Variants in UBE4B observed in about 807,000 individuals in gnomAD.
UBE4B encodes ubiquitin conjugation factor E4 B.
A neutral mutation model predicts 148.1 loss-of-function variants in UBE4B; 27 were observed. That is an observed-to-expected ratio of 0.18 (90% CI 0.13 to 0.25). The LOEUF (loss-of-function observed/expected upper bound fraction) is 0.25. UBE4B is among the 10% of genes least tolerant of loss of function. The pLI, the probability that UBE4B is intolerant of heterozygous loss-of-function variation, is 1.00. For missense variants in UBE4B, 1,170 were observed against 1,662.4 expected, an observed-to-expected ratio of 0.70 and a Z score of 5.15; for synonymous variants, 596 against 619.3, an observed-to-expected ratio of 0.96 and a Z score of 0.56.
At chr1:10,144,801 G>T in intron 17 of UBE4B, 139 bp from the exon 18 acceptor site, 3 of 518,260 alleles carry the variant, frequency 5.8e-6, no homozygotes, top group Non-Finnish European at 1.0e-5. Context: ...GCCGCTGGTT[G>T]TAAGATATAC....
chr1:10,112,373 T>C, intron 7 of UBE4B, among the ~76,000 whole-genome samples: 1 of 152,348 alleles, frequency 6.6e-6, no homozygotes, highest in Middle Eastern at 3.4e-3. Flanking sequence ...AATACTACTT[T>C]AAATATTTAG....
chr1:10,119,942 G>A (rs974909730), intron 9 of UBE4B, among the ~76,000 whole-genome samples: 28 of 152,156 alleles, frequency 1.8e-4, no homozygotes, highest in South Asian at 4.1e-4. Flanking sequence ...GAAGTTGGTG[G>A]AGGTATTTGA....
chr1:10,130,368 A>C, intron 12 of UBE4B, 132 bp from the exon 13 acceptor site: 1 of 823,134 alleles, frequency 1.2e-6, no homozygotes. Context: ...GGCGTGAGCC[A>C]CCATGCCTGG....
At chr1:10,169,953 C>T (rs1238754373) in intron 24 of UBE4B, among the ~76,000 whole-genome samples, 2 of 152,062 alleles carry the variant, frequency 1.3e-5, no homozygotes, top group East Asian at 3.9e-4. Context: ...AGGCAGAGGT[C>T]GCAGTGAGCC....
At chr1:10,118,201 T>G (rs1179792788) in intron 8 of UBE4B, among the ~76,000 whole-genome samples, 2 of 152,208 alleles carry the variant, frequency 1.3e-5, no homozygotes, top group African/African-American at 4.8e-5. Flanking sequence ...CCTATTTCAT[T>G]TTCTGATTTT....
intron 1 of UBE4B, among the ~76,000 whole-genome samples, chr1:10,066,102 T>C (rs1194092580): frequency 1.4e-5 from 2 of 141,588 alleles, no homozygotes; most frequent in Non-Finnish European, 3.1e-5. Flanking sequence ...CCTCCCTTTG[T>C]ACCTCCCTCC....
At chr1:10,171,871 ACT>A (rs1227175659) in intron 25 of UBE4B, among the ~76,000 whole-genome samples, 11 of 152,246 alleles carry the variant, frequency 7.2e-5, no homozygotes, top group African/African-American at 1.9e-4. Flanking sequence ...ACAGGGTGAG[ACT>A]CTGTCTCAAA....
intron 7 of UBE4B, among the ~76,000 whole-genome samples, chr1:10,110,782 T>G (rs1025520888): frequency 6.6e-6 from 1 of 152,018 alleles, no homozygotes; most frequent in African/African-American, 2.4e-5. Context: ...TGACATTGAC[T>G]CTCCTGTTTT....
intron 8 of UBE4B, among the ~76,000 whole-genome samples, chr1:10,118,822 G>GTTT (rs921499292): frequency 1.2e-5 from 1 of 80,522 alleles, no homozygotes; most frequent in Non-Finnish European, 2.5e-5. Context: ...TAATTTTTAT[G>GTTT]TTTTTTTTAG....
rs148550788 is a variant in UBE4B, at chr1:10,142,263, C to G, written c.2364-2677C>G. On this transcript the variant is annotated intron_variant, in intron 17 of 27. Coordinates refer to ENST00000343090, the MANE Select transcript of UBE4B (RefSeq NM_001105562.3). ...TTCATGAAGGCCTGTTACCTATAAACTCTTGTGATACCCGTAGCCATATAG... is the reference window on the plus strand; with the variant it reads ...TTCATGAAGGCCTGTTACCTATAAAGTCTTGTGATACCCGTAGCCATATAG... Among the ~76,000 whole-genome samples, 194 of 152,296 alleles carry G rather than the reference C, an allele frequency of 1.3e-3. 1 individual carries two copies. The highest frequency in any genetic ancestry group is 4.1e-3 in the African/African-American group (172 of 41,568).
At chr1:10,093,991 A>C (rs1031522958) in intron 2 of UBE4B, among the ~76,000 whole-genome samples, 12 of 152,114 alleles carry the variant, frequency 7.9e-5, no homozygotes, top group Non-Finnish European at 1.5e-5. Flanking sequence ...CATCGTGCCC[A>C]GCCAATGGTT....
At position 10,067,919 on chromosome 1, in the gene UBE4B, A is replaced by G. The variant is rs181869761; in HGVS notation, c.25-4109A>G. Among the ~76,000 whole-genome samples, 658 of 151,658 alleles carry G rather than the reference A, an allele frequency of 4.3e-3. 5 individuals are homozygous for G. Among genetic ancestry groups the G allele is most frequent in the African/African-American group, 0.015 (618 of 41,360 alleles). ...ATTTTTTTGTATTTTTAGTAGAGAC[A>G]GGGTTTCACCGTGTTAACCAGGATG... On this transcript the variant is annotated intron_variant, in intron 1 of 27. Transcript: ENST00000343090.
intron 17 of UBE4B, among the ~76,000 whole-genome samples, chr1:10,144,077 TAA>T (rs1645827498): frequency 6.6e-6 from 1 of 152,158 alleles, no homozygotes; most frequent in Non-Finnish European, 1.5e-5. Flanking sequence ...GAAATAGTGT[TAA>T]GAGAGTCGGT....
At chr1:10,109,294 C>T (rs896462316) in intron 7 of UBE4B, among the ~76,000 whole-genome samples, 6 of 152,168 alleles carry the variant, frequency 3.9e-5, no homozygotes, top group Non-Finnish European at 5.9e-5. Flanking sequence ...TGTTCACCAC[C>T]GCACCGTGCT....
intron 5 of UBE4B, 141 bp downstream of exon 5, chr1:10,103,233 A>G (rs902367975): frequency 1.3e-6 from 1 of 792,558 alleles, no homozygotes; most frequent in South Asian, 2.5e-5. Context: ...CTTGATGAGG[A>G]CACAATTGTT....
At chr1:10,053,932 CT>C (rs1310856072) in intron 1 of UBE4B, among the ~76,000 whole-genome samples, 5 of 152,196 alleles carry the variant, frequency 3.3e-5, no homozygotes, top group African/African-American at 1.2e-4. Flanking sequence ...AGTGATCCTC[CT>C]GCCTTGGCCT....
At chr1:10,152,790 T>A (rs1645998656) in intron 21 of UBE4B, among the ~76,000 whole-genome samples, 1 of 150,818 alleles carries the variant, frequency 6.6e-6, no homozygotes. Flanking sequence ...AGGGCAAGAC[T>A]CCGTCTCAAA....
intron 1 of UBE4B, among the ~76,000 whole-genome samples, chr1:10,061,390 G>A (rs929657278): frequency 2.6e-5 from 4 of 152,100 alleles, no homozygotes; most frequent in African/African-American, 7.2e-5. Flanking sequence ...AAGTAGCTGG[G>A]ATTACAGGCA....
chr1:10,135,753 AGATAC>A, intron 16 of UBE4B, among the ~76,000 whole-genome samples: 1 of 142,222 alleles, frequency 7.0e-6, no homozygotes, highest in Non-Finnish European at 1.5e-5. Flanking sequence ...AAAAAAAAAC[AGATAC>A]AAATTGAAAA....
Sources: gnomAD v4.1 joint callset for allele counts (sites outside exome capture counted in the v4.1 genomes callset) on GRCh38, gnomAD v4.1.1 for gene constraint, MANE v1.5 for transcripts, NCBI Gene and HGNC (gene_info 2026-07-23, HGNC 2026-07-21) for gene names.